CAMKK2: variants seen among roughly 807,000 people sequenced by gnomAD.
CAMKK2 encodes calcium/calmodulin dependent protein kinase kinase 2.
CAMKK2 carries 30 observed loss-of-function variants against 67.2 expected under a neutral mutation model. The ratio of observed to expected loss-of-function variants is 0.45; its 90% CI spans 0.33 to 0.61. The LOEUF (loss-of-function observed/expected upper bound fraction) is 0.61, where lower values mean the gene tolerates loss of function less well. Among genes scored for constraint, CAMKK2 ranks in the 20% least tolerant of loss-of-function variants. CAMKK2 has a pLI of 0.02. For missense variants in CAMKK2, 643 were observed against 802.0 expected (o/e 0.80, Z 2.39); for synonymous variants, 322 against 326.2 (o/e 0.99, Z 0.14).
rs564950161 is a variant in CAMKK2, at chr12:121,257,373, A to G, written c.797-1569T>C. On this transcript the variant is annotated intron_variant, in intron 7 of 16. Coordinates refer to ENST00000404169, the MANE Select transcript of CAMKK2 (RefSeq NM_001270485.2). ...GCGATTCTTCTGCCTCAGCCTCCCG[A>G]GTAGCTGGGACTACAGGCACCTGCC... 2.6e-5 allele frequency among the ~76,000 whole-genome samples: 4 copies of G among 151,850 alleles called. No individual in the cohort carries two copies. The East Asian group carries it at 7.7e-4, about 29-fold the overall frequency.
At chr12:121,288,210 A>C (rs1250674141) in intron 1 of CAMKK2, among the ~76,000 whole-genome samples, 1 of 152,162 alleles carries the variant, frequency 6.6e-6, no homozygotes, top group Non-Finnish European at 1.5e-5. Context: ...CTGGAATTTC[A>C]GTTTGTAATG....
chr12:121,292,804 T>C (rs1900332506), intron 1 of CAMKK2, among the ~76,000 whole-genome samples: 1 of 149,432 alleles, frequency 6.7e-6, no homozygotes, highest in Admixed American at 6.7e-5. Flanking sequence ...CCTGTTTCTA[T>C]AAAGAAATTA....
At position 121,253,224 on chromosome 12, in the gene CAMKK2, A is replaced by G; in HGVS notation, c.1107+49T>C. 6.5e-7 allele frequency: 1 copy of G among 1,529,304 alleles called. No homozygotes were observed. Among genetic ancestry groups the G allele is most frequent in the South Asian group, 1.1e-5 (1 of 88,882 alleles). 94.7% of individuals were successfully genotyped at this position (1,529,304 alleles called of 1,614,324 possible). A position where few individuals can be genotyped will look rare whatever the true frequency, so the allele number is the denominator to read the frequency against. On this transcript the variant is annotated intron_variant, in intron 10 of 16. Coordinates refer to ENST00000404169, the MANE Select transcript of CAMKK2 (RefSeq NM_001270485.2). The surrounding 1 kb of genome is among the most constrained non-coding windows in gnomAD (Gnocchi z 5.0). ...GGGTTTCTGCTGCTTACAATCCAGA[A>G]GACACTAACACAGGCAGAACTCTGT...
chr12:121,295,495 C>G (rs1900960273), intron 1 of CAMKK2, among the ~76,000 whole-genome samples: 1 of 152,202 alleles, frequency 6.6e-6, no homozygotes, highest in Non-Finnish European at 1.5e-5. Flanking sequence ...CCCGCCTCCT[C>G]CAAGGAACAA....
intron 1 of CAMKK2, among the ~76,000 whole-genome samples, chr12:121,283,502 T>C (rs898009510): frequency 1.3e-5 from 2 of 152,166 alleles, no homozygotes; most frequent in African/African-American, 2.4e-5. Flanking sequence ...TGGCCACCGA[T>C]ATACTGGCCT....
At chr12:121,244,015 G>A (rs1270006400) in intron 16 of CAMKK2, 1 of 1,554,234 alleles carries the variant, frequency 6.4e-7, no homozygotes, top group Admixed American at 2.0e-5. Flanking sequence ...GGTCACCTGG[G>A]CTGGCTATGT....
At chr12:121,249,722 G>A in intron 13 of CAMKK2, 65 bp downstream of exon 13, 1 of 1,310,924 alleles carries the variant, frequency 7.6e-7, no homozygotes, top group Admixed American at 1.7e-5. Flanking sequence ...AGGGTGTGGG[G>A]TCTGGCTGAG....
intron 7 of CAMKK2, among the ~76,000 whole-genome samples, chr12:121,256,235 C>T (rs777353182): frequency 1.3e-5 from 2 of 152,106 alleles, no homozygotes; most frequent in South Asian, 2.1e-4. Flanking sequence ...AAAAATCAGC[C>T]GGGCGTGGTG....
rs57379013 is a variant in CAMKK2 at position 121,245,956 on chromosome 12, C to T, written c.1453-716G>A. Reference sequence around the variant, plus strand: ...AGTGAAGCACTGATCCATGCTACAACACAAACGGACCCTGAAAACCTTCTC... The same window carrying T: ...AGTGAAGCACTGATCCATGCTACAATACAAACGGACCCTGAAAACCTTCTC... On this transcript the variant is annotated intron_variant, in intron 14 of 16. Coordinates refer to ENST00000404169, the MANE Select transcript of CAMKK2 (RefSeq NM_001270485.2). This position sits in a 1 kb window ranked among gnomAD's most constrained non-coding sequence, Gnocchi z 5.8. Among the ~76,000 whole-genome samples, 6,190 of 152,208 alleles carry T rather than the reference C, an allele frequency of 0.041. 171 individuals carry two copies. Among genetic ancestry groups the T allele is most frequent in the South Asian group, 0.12 (566 of 4,824 alleles).
At chr12:121,255,695 C>T in intron 8 of CAMKK2, 57 bp from the exon 9 acceptor site, 1 of 1,608,272 alleles carries the variant, frequency 6.2e-7, no homozygotes, top group Non-Finnish European at 8.5e-7. Context: ...CTTGCCCTCT[C>T]TCATGAGCAG....
At chr12:121,294,086 C>T (rs1900652074) in intron 1 of CAMKK2, among the ~76,000 whole-genome samples, 1 of 152,200 alleles carries the variant, frequency 6.6e-6, no homozygotes, top group Admixed American at 6.5e-5. Context: ...GTGTGTGCCA[C>T]CACGCCCAGC....
At position 121,240,616 on chromosome 12, in the gene CAMKK2, T is replaced by C. The variant is rs1473917356; in HGVS notation, c.*83A>G. 6 of 1,533,478 alleles carry C rather than the reference T, an allele frequency of 3.9e-6. No individual in the cohort carries two copies. Among genetic ancestry groups the C allele is most frequent in the Non-Finnish European group, 4.4e-6 (5 of 1,146,330 alleles). The allele number at this position is 1,533,478 out of a possible 1,614,324, so 95.0% of individuals were successfully genotyped here. ...GCTCTACACACGTGCTGGGTTTCCG[T>C]AGGACATGCTGCTATGGAAACGCGG... is the stretch of plus-strand genomic sequence containing the variant. On this transcript the variant is annotated 3_prime_UTR_variant, in exon 17 of 17. Coordinates refer to ENST00000404169, the MANE Select transcript of CAMKK2 (RefSeq NM_001270485.2). This position sits in a 1 kb window ranked among gnomAD's most constrained non-coding sequence, Gnocchi z 4.4.
chr12:121,249,376 G>A (rs1168072970), intron 13 of CAMKK2, among the ~76,000 whole-genome samples: 2 of 152,218 alleles, frequency 1.3e-5, no homozygotes, highest in African/African-American at 2.4e-5. Context: ...TCTGCAAGAG[G>A]GTGGGATTCA....
chr12:121,296,931 G>A (rs1295115186), upstream of CAMKK2, among the ~76,000 whole-genome samples: 1 of 151,660 alleles, frequency 6.6e-6, no homozygotes, highest in Non-Finnish European at 1.5e-5. This position sits in a 1 kb window ranked among gnomAD's most constrained non-coding sequence, Gnocchi z 7.1. Context: ...GTGGGGAGGC[G>A]GGAGCCTGCA....
intron 1 of CAMKK2, among the ~76,000 whole-genome samples, chr12:121,287,297 T>A (rs1385325964): frequency 1.3e-5 from 2 of 152,188 alleles, no homozygotes; most frequent in African/African-American, 2.4e-5. Flanking sequence ...TCCATATGCA[T>A]CACATTTTAC....
chr12:121,282,547 AG>A (rs1897987222), intron 1 of CAMKK2, among the ~76,000 whole-genome samples: 1 of 152,026 alleles, frequency 6.6e-6, no homozygotes, highest in Non-Finnish European at 1.5e-5. Context: ...GCCAGCACGG[AG>A]GGGGAAGGCC....
intron 6 of CAMKK2, among the ~76,000 whole-genome samples, chr12:121,263,368 C>G (rs1256631804): frequency 1.3e-5 from 2 of 152,148 alleles, no homozygotes; most frequent in Admixed American, 1.3e-4. Flanking sequence ...CTTGGCCTCC[C>G]AGAGTGCTGT....
chr12:121,269,319 T>C (rs1232922259), intron 4 of CAMKK2, among the ~76,000 whole-genome samples: 3 of 152,200 alleles, frequency 2.0e-5, no homozygotes, highest in Non-Finnish European at 1.5e-5. Flanking sequence ...TTTTGCTGAA[T>C]GAGTAACTTT....
chr12:121,295,457 C>T (rs1231055131), intron 1 of CAMKK2, among the ~76,000 whole-genome samples: 1 of 152,100 alleles, frequency 6.6e-6, no homozygotes, highest in Non-Finnish European at 1.5e-5. Context: ...GTGGCTAACT[C>T]CCCCAAAGCC....
Sources: gnomAD v4.1 joint callset for allele counts (sites outside exome capture counted in the v4.1 genomes callset) on GRCh38, gnomAD v4.1.1 for gene constraint, Gnocchi (gnomAD v3.1) non-coding constraint, MANE v1.5 for transcripts, NCBI Gene and HGNC (gene_info 2026-07-23, HGNC 2026-07-21) for gene names.